Variants in DLGAP2 observed in about 807,000 individuals in gnomAD.
DLGAP2 encodes the protein disks large-associated protein 2.
DLGAP2 carries 26 observed loss-of-function variants against 100.3 expected under a neutral mutation model. The ratio of observed to expected loss-of-function variants is 0.26; its 90% CI spans 0.19 to 0.36. The LOEUF (loss-of-function observed/expected upper bound fraction) is 0.36. Ranked by LOEUF, DLGAP2 falls within the 10% of genes least tolerant of loss-of-function variation. The pLI is 1.00. For synonymous variants in DLGAP2, 886 were observed against 630.1 expected (o/e 1.41, Z -6.08); for missense variants, 1,858 against 1,453.2 (o/e 1.28, Z -4.53).
intron 10 of DLGAP2, among the ~76,000 whole-genome samples, chr8:1,673,048 G>A (rs1798729901): frequency 6.6e-6 from 1 of 152,226 alleles, no homozygotes; most frequent in Admixed American, 6.5e-5. Context: ...GCCTGGGACT[G>A]CATGGGAGGT....
intron 2 of DLGAP2, among the ~76,000 whole-genome samples, chr8:964,405 T>C (rs1008529809): frequency 4.6e-5 from 7 of 152,268 alleles, no homozygotes; most frequent in African/African-American, 1.2e-4. Context: ...CCTTTCTGTG[T>C]AGACACACAA....
intron 1 of DLGAP2, among the ~76,000 whole-genome samples, chr8:882,365 GCGCACCCTCGCCTGATCCAGC>G (rs1797823120): frequency 2.2e-4 from 29 of 133,264 alleles, no homozygotes; most frequent in African/African-American, 5.2e-4. Flanking sequence ...CCTCCCCTGC[GCGCACCCTCGCCTGATCCAGC>G]GGTACCTCTC....
chr8:1,345,122 CAT>C (rs1196057758), intron 3 of DLGAP2, among the ~76,000 whole-genome samples: 1 of 152,224 alleles, frequency 6.6e-6, no homozygotes, highest in Non-Finnish European at 1.5e-5. Flanking sequence ...ATATAAATGA[CAT>C]AATTCGGTTT....
intron 2 of DLGAP2, among the ~76,000 whole-genome samples, chr8:1,120,110 C>T (rs1447406229): frequency 2.0e-5 from 3 of 152,172 alleles, no homozygotes; most frequent in Admixed American, 6.5e-5. Context: ...AACATCTTTG[C>T]AGGTCCCATT....
At chr8:890,222 G>A (rs754728920) in intron 1 of DLGAP2, among the ~76,000 whole-genome samples, 47 of 152,270 alleles carry the variant, frequency 3.1e-4, no homozygotes, top group Admixed American at 7.2e-4. Flanking sequence ...ATCCTTGGGC[G>A]TTTAGTTTCT....
chr8:1,663,427 A>T (rs1427162121), intron 8 of DLGAP2, among the ~76,000 whole-genome samples: 1 of 151,992 alleles, frequency 6.6e-6, no homozygotes, highest in East Asian at 1.9e-4. Flanking sequence ...GCTTCTCTGG[A>T]TGCTTATCTC....
intron 1 of DLGAP2, among the ~76,000 whole-genome samples, chr8:905,775 C>G (rs1312462938): frequency 2.6e-5 from 4 of 152,174 alleles, no homozygotes; most frequent in Non-Finnish European, 5.9e-5. Context: ...CCTGCTGTGG[C>G]AGACCATAGC....
chr8:1,275,715 CAT>C (rs34634474), intron 3 of DLGAP2, among the ~76,000 whole-genome samples: 101 of 128,218 alleles, frequency 7.9e-4, no homozygotes, highest in African/African-American at 2.9e-3. Context: ...GCTAATAGGA[CAT>C]ATATATATAT....
In DLGAP2 at chr8:1,298,675, A is replaced by T. The variant is rs577115522; in HGVS notation, c.106+39792A>T. 3.9e-5 allele frequency among the ~76,000 whole-genome samples: 6 copies of T among 152,288 alleles called. No individual in the cohort carries two copies. In the East Asian group the frequency reaches 1.2e-3, roughly 29 times the overall value. On this transcript the variant is annotated intron_variant, in intron 3 of 14. Transcript: ENST00000637795. The stretch of plus-strand genomic sequence containing the variant: ...TCAGCAGGCACCTCGGCCATGGTAG[A>T]TGCCGAGGGCCCCAGGACAAGCATG...
At chr8:1,214,948 G>C (rs57995053) in intron 2 of DLGAP2, among the ~76,000 whole-genome samples, 1 of 152,190 alleles carries the variant, frequency 6.6e-6, no homozygotes, top group Non-Finnish European at 1.5e-5. Context: ...TAGAACATGC[G>C]TTTAAAAATG....
intron 3 of DLGAP2, among the ~76,000 whole-genome samples, chr8:1,350,257 AG>A (rs758779081): frequency 0.02 from 1,932 of 97,392 alleles, 49 homozygotes; most frequent in East Asian, 0.065. Context: ...GCGGGTCCTG[AG>A]CATGTGTGGA....
intron 6 of DLGAP2, among the ~76,000 whole-genome samples, chr8:1,614,996 C>G (rs577025592): frequency 6.6e-6 from 1 of 152,224 alleles, no homozygotes; most frequent in African/African-American, 2.4e-5. Flanking sequence ...TGAGCACCCT[C>G]GCTACCTGCT....
Position 1,464,299 on chromosome 8 carries a change from T to TTCCA in DLGAP2, c.107-37067_107-37066insTCCA, listed in dbSNP as rs1798552560. Among the ~76,000 whole-genome samples the TTCCA allele has an allele frequency of 7.8e-5, 2 of 25,632 alleles. 1 individual carries two copies. Among genetic ancestry groups the TTCCA allele is most frequent in the Admixed American group, 8.8e-4 (2 of 2,264 alleles). The allele number at this position is 25,632 out of a possible 152,430, so 16.8% of individuals were successfully genotyped here. ...CTTCCAGGACAACGCCCTTCCAGGA[T>TTCCA]GGCACCCTTCCAGGACAACGCCCTT... On this transcript the variant is annotated intron_variant, in intron 3 of 14. Transcript: ENST00000637795.
At chr8:988,770 C>T (rs574413814) in intron 2 of DLGAP2, among the ~76,000 whole-genome samples, 2 of 152,058 alleles carry the variant, frequency 1.3e-5, no homozygotes, top group Non-Finnish European at 2.9e-5. Flanking sequence ...CAGGGCCTGT[C>T]CCCCGGGGAC....
At chr8:1,253,013 C>A (rs968830211) in intron 2 of DLGAP2, among the ~76,000 whole-genome samples, 1 of 152,332 alleles carries the variant, frequency 6.6e-6, no homozygotes, top group East Asian at 1.9e-4. Context: ...GGCCTCCCAG[C>A]ACCAGCCCTC....
chr8:1,380,478 G>T (rs1168973222), intron 3 of DLGAP2, among the ~76,000 whole-genome samples: 5 of 152,182 alleles, frequency 3.3e-5, no homozygotes, highest in African/African-American at 1.2e-4. Context: ...CCCTCCAGTT[G>T]CCAGAGATGC....
chr8:1,533,960 A>G (rs1323882721), intron 4 of DLGAP2, among the ~76,000 whole-genome samples: 1 of 152,262 alleles, frequency 6.6e-6, no homozygotes, highest in African/African-American at 2.4e-5. Context: ...ATCTAAAAAA[A>G]TAAAATACTA....
At chr8:1,299,250 C>G (rs1257370999) in intron 3 of DLGAP2, among the ~76,000 whole-genome samples, 1 of 152,204 alleles carries the variant, frequency 6.6e-6, no homozygotes, top group Admixed American at 6.5e-5. Context: ...CAGTCCTGAC[C>G]GTCCACAGAG....
intron 2 of DLGAP2, among the ~76,000 whole-genome samples, chr8:1,091,349 T>C (rs746742582): frequency 6.6e-6 from 1 of 152,208 alleles, no homozygotes; most frequent in Non-Finnish European, 1.5e-5. Context: ...CTGCTGAGCA[T>C]TGGGTTGGCG....
Sources: allele counts gnomAD v4.1 joint callset (sites outside exome capture counted in the v4.1 genomes callset), GRCh38; gene constraint gnomAD v4.1.1; transcripts MANE v1.5; gene names NCBI Gene and HGNC (gene_info 2026-07-23, HGNC 2026-07-21).